YTHDC2: variants seen among roughly 807,000 people sequenced by gnomAD.
YTHDC2 encodes YTH N6-methyladenosine RNA binding protein C2, also known as 3'-5' RNA helicase YTHDC2.
In YTHDC2, 45 loss-of-function variants were observed where a neutral mutation model predicts 174.9. The observed-to-expected ratio is 0.26, with a 90% CI of 0.20 to 0.33. YTHDC2 has a LOEUF of 0.33. YTHDC2 is among the 10% of genes least tolerant of loss of function. The pLI, the probability that YTHDC2 is intolerant of heterozygous loss-of-function variation, is 1.00. For synonymous variants in YTHDC2, 657 were observed against 574.5 expected (o/e 1.14, Z -2.05); for missense variants, 1,650 against 1,723.7 (o/e 0.96, Z 0.76).
chr5:113,565,595 T>C (rs1777281651), intron 20 of YTHDC2: 1 of 207,730 alleles, frequency 4.8e-6, no homozygotes, highest in Non-Finnish European at 9.6e-6. Flanking sequence ...ACCTATACTT[T>C]TGTAGAGAGT....
rs1331121667 is a variant in YTHDC2 at position 113,542,374 on chromosome 5, A to G, written c.1366A>G (p.Lys456Glu). 6.2e-7 allele frequency: 1 copy of G among 1,605,656 alleles called. No homozygotes were observed. The highest frequency in any genetic ancestry group is 8.5e-7 in the Non-Finnish European group (1 of 1,178,006). The change falls in exon 10 of 30, where the codon AAA becomes GAA. Residue 456 changes from lysine to glutamate, a missense_variant. Around this residue, in one of 5 missense-constraint regions of YTHDC2, gnomAD observed 411 missense variants for 380.6 expected, o/e 1.08. Coordinates refer to ENST00000161863, the MANE Select transcript of YTHDC2 (RefSeq NM_022828.5). ...TTTTTACTGTTTTTTGTAGACTGAA[A>G]AAGATGTGAATTGCCTTGAACCATG... ...GDAVFSQLTE[K>E]DVNCLEPWLI...
At chr5:113,525,792 A>C (rs1337130511) in intron 3 of YTHDC2, among the ~76,000 whole-genome samples, 3 of 152,142 alleles carry the variant, frequency 2.0e-5, no homozygotes, top group African/African-American at 7.2e-5. Context: ...TATTAAGAAA[A>C]CTATTTATTG....
At chr5:113,569,134 C>T (rs1234505221) in intron 23 of YTHDC2, among the ~76,000 whole-genome samples, 2 of 152,062 alleles carry the variant, frequency 1.3e-5, no homozygotes, top group African/African-American at 4.8e-5. Flanking sequence ...TGTTTGTTGG[C>T]CACATGTACA....
rs1358819961 is a variant in YTHDC2 at position 113,551,127 on chromosome 5, C to T, written c.1689-2054C>T. 2.6e-5 allele frequency among the ~76,000 whole-genome samples: 4 copies of T among 151,956 alleles called. No individual in the cohort carries two copies. In the South Asian group the frequency reaches 6.2e-4, roughly 24 times the overall value. On this transcript the variant is annotated intron_variant, in intron 12 of 29. Transcript: ENST00000161863. ...CTCAGACATTTGAAATTAGTTGTGA[C>T]ATTGAGTCTCAAAATTCTTGGTAGG...
At chr5:113,593,222 T>A (rs1473202691) in intron 28 of YTHDC2, 81 bp from the exon 29 acceptor site, 1 of 939,416 alleles carries the variant, frequency 1.1e-6, no homozygotes, top group East Asian at 2.4e-5. Flanking sequence ...TTTTCTTACA[T>A]TTTTATCAGT....
chr5:113,594,971 C>T lies in YTHDC2; in HGVS notation c.*1497C>T, dbSNP rs1028962554. The T allele has an allele frequency of 1.3e-5, 2 of 152,058 alleles. No homozygotes were observed. Among genetic ancestry groups the T allele is most frequent in the Non-Finnish European group, 2.9e-5 (2 of 67,998 alleles). The allele number at this position is 152,058 out of a possible 1,614,324, so 9.4% of individuals were successfully genotyped here. ...GGGTTTTCTTGTACTTTAAGACATA[C>T]CTGTAAATTGAACCTATTTGAATTA... On this transcript the variant is annotated 3_prime_UTR_variant, in exon 30 of 30. Transcript: ENST00000161863.
At chr5:113,590,917 TTTG>T in intron 26 of YTHDC2, 121 bp from the exon 27 acceptor site, 2 of 788,786 alleles carry the variant, frequency 2.5e-6, no homozygotes, top group Non-Finnish European at 3.9e-6. Context: ...GATAGAGCTA[TTTG>T]CATTTGTTGA....
chr5:113,564,724 C>T (rs546887725), intron 20 of YTHDC2, among the ~76,000 whole-genome samples: 1 of 152,244 alleles, frequency 6.6e-6, no homozygotes, highest in South Asian at 2.1e-4. Flanking sequence ...TTTAGAATTT[C>T]AGATATGTGG....
intron 25 of YTHDC2, 49 bp from the exon 26 acceptor site, chr5:113,584,253 A>T (rs758243094): frequency 6.6e-7 from 1 of 1,507,898 alleles, no homozygotes; most frequent in Non-Finnish European, 9.0e-7. Context: ...TGATCTTTGT[A>T]TGACGAACTT....
intron 17 of YTHDC2, among the ~76,000 whole-genome samples, chr5:113,558,466 C>T (rs1401609515): frequency 2.6e-5 from 4 of 151,932 alleles, no homozygotes; most frequent in Admixed American, 1.3e-4. Context: ...TCAAGAGATA[C>T]TAAAGAAAGT....
At position 113,525,098 on chromosome 5, in the gene YTHDC2, A is replaced by G. The variant is rs769466231; in HGVS notation, c.396A>G (p.Gln132=). ...NTKHAVRSLI[Q]RFPVTNKERT... ...AACATGCTGTTAGGAGCCTAATTCAAAGATTTCCTGTCACCAATAAAGAGC... is the reference window on the plus strand; with the variant it reads ...AACATGCTGTTAGGAGCCTAATTCAGAGATTTCCTGTCACCAATAAAGAGC... Residue 132 remains glutamine, a synonymous_variant, in exon 3 of 30, where the codon CAA becomes CAG. Transcript: ENST00000161863. 45 of 1,612,498 alleles carry G rather than the reference A, an allele frequency of 2.8e-5. No homozygotes were observed. The highest frequency in any genetic ancestry group is 3.6e-5 in the Non-Finnish European group (43 of 1,179,168).
chr5:113,578,701 G>A (rs1778216137), intron 23 of YTHDC2, among the ~76,000 whole-genome samples: 1 of 152,032 alleles, frequency 6.6e-6, no homozygotes, highest in South Asian at 2.1e-4. Flanking sequence ...TTTTGGGTTA[G>A]GTTTAGATTT....
chr5:113,584,320 A>C lies in YTHDC2; in HGVS notation c.3666A>C (p.Pro1222=). The C allele has an allele frequency of 1.2e-6, 2 of 1,612,408 alleles. No individual in the cohort carries two copies. The highest frequency in any genetic ancestry group is 1.7e-6 in the Non-Finnish European group (2 of 1,179,190). The change falls in exon 26 of 30, where the codon CCA becomes CCC. Residue 1222 remains proline (P), a synonymous_variant. Coordinates refer to ENST00000161863, the MANE Select transcript of YTHDC2 (RefSeq NM_022828.5). ...GCTCAAGAGTACTGATGAAATCTCC[A>C]TCTCCAGCATTACACCCACCTCAGA... The part of the protein sequence containing the change: ...TTAERVLMKS[P]SPALHPPQKY...
chr5:113,590,638 G>A (rs1297880565), intron 26 of YTHDC2, among the ~76,000 whole-genome samples: 2 of 152,170 alleles, frequency 1.3e-5, no homozygotes, highest in African/African-American at 4.8e-5. Context: ...CTGAACTCCA[G>A]TGTCTTTCTG....
intron 4 of YTHDC2, among the ~76,000 whole-genome samples, chr5:113,527,741 G>A (rs1448155324): frequency 1.4e-5 from 2 of 144,116 alleles, no homozygotes; most frequent in African/African-American, 5.3e-5. Flanking sequence ...TTAAAAACAT[G>A]ATGAAATTTT....
chr5:113,586,810 A>G (rs1040285846), intron 26 of YTHDC2, among the ~76,000 whole-genome samples: 6 of 147,412 alleles, frequency 4.1e-5, no homozygotes, highest in Admixed American at 2.1e-4. Flanking sequence ...TCAACTGGCC[A>G]TAAATATGTG....
At chr5:113,543,046 A>G (rs1775597748) in intron 10 of YTHDC2, among the ~76,000 whole-genome samples, 1 of 152,158 alleles carries the variant, frequency 6.6e-6, no homozygotes, top group Non-Finnish European at 1.5e-5. Flanking sequence ...CCTAGGTCTC[A>G]ATCCTTAAGA....
rs757504744 is a variant in YTHDC2, at chr5:113,553,243, T to C, written c.1751T>C (p.Leu584Pro). 9 of 1,591,226 alleles carry C rather than the reference T, an allele frequency of 5.7e-6. No homozygotes were observed. Among genetic ancestry groups the C allele is most frequent in the Non-Finnish European group, 1.7e-6 (2 of 1,167,726 alleles). Residue 584 changes from leucine (L) to proline (P), a missense_variant, in exon 13 of 30, where the codon CTC becomes CCC. Coordinates refer to ENST00000161863, the MANE Select transcript of YTHDC2 (RefSeq NM_022828.5). ...CTGGTTCAAACAAATGGAAGTGACC[T>C]CAGTGCTGAAGACAGAGAGCTCCTG... ...SSLVQTNGSD[L>P]SAEDRELLKA...
rs78284628 is a variant in YTHDC2 at position 113,553,121 on chromosome 5, A to G, written c.1689-60A>G. 1.7e-3 allele frequency: 2,389 copies of G among 1,412,660 alleles called. 57 individuals carry two copies. The East Asian group carries it at 0.049, about 29-fold the overall frequency. 87.5% of individuals were successfully genotyped at this position (1,412,660 alleles called of 1,614,324 possible). A position where few individuals can be genotyped will look rare whatever the true frequency, so the allele number is the denominator to read the frequency against. On this transcript the variant is annotated intron_variant, in intron 12 of 29. Coordinates refer to ENST00000161863, the MANE Select transcript of YTHDC2 (RefSeq NM_022828.5). ...AGGGAATATTGGAAATTTGAAGGAC[A>G]TAAGGATTACTTTTGTTAATGGAAA...
Sources: allele counts gnomAD v4.1 joint callset (sites outside exome capture counted in the v4.1 genomes callset), GRCh38; gene constraint gnomAD v4.1.1; regional missense constraint gnomAD v4.1.1; transcripts MANE v1.5; gene names NCBI Gene and HGNC (gene_info 2026-07-23, HGNC 2026-07-21).